The following GOSR2 variants were observed in gnomAD, a reference collection of about 807,000 sequenced individuals.
The protein encoded by GOSR2 is golgi SNAP receptor complex member 2, also known as 27 kDa Golgi SNARE protein.
A neutral mutation model predicts 27.9 loss-of-function variants in GOSR2; 20 were observed. The ratio of observed to expected loss-of-function variants is 0.72; its 90% confidence interval spans 0.50 to 1.04. The LOEUF is 1.04. GOSR2 is among the 50% of genes least tolerant of loss of function. GOSR2 has a pLI of 0.00. For missense variants in GOSR2, 261 were observed against 270.5 expected (o/e 0.97, Z 0.25); for synonymous variants, 91 against 98.8 (o/e 0.92, Z 0.47).
At chr17:46,974,079 C>T (rs1400178666) in intron 6 of GOSR2, among the ~76,000 whole-genome samples, 1 of 152,236 alleles carries the variant, frequency 6.6e-6, no homozygotes, top group African/African-American at 2.4e-5. Context: ...CTCCCTACTT[C>T]CCCCGTTCTA....
chr17:46,942,022 CT>C, downstream of GOSR2: 1 of 906,798 alleles, frequency 1.1e-6, no homozygotes, highest in Non-Finnish European at 1.3e-6. Context: ...TATATCCTAC[CT>C]TAGTCCAAAA....
In GOSR2 at chr17:46,960,052, A is replaced by T. The variant is rs185315470; in HGVS notation, c.584-6482A>T. On this transcript the variant is annotated intron_variant, in intron 6 of 6. Transcript: ENST00000573224. Reference sequence around the variant, plus strand: ...AAAAGTTGTCAGCCTCTCAGGACTGATTCAGGCTAACCAAATTCATTGATG... The same window carrying T: ...AAAAGTTGTCAGCCTCTCAGGACTGTTTCAGGCTAACCAAATTCATTGATG... Among the ~76,000 whole-genome samples the T allele has an allele frequency of 6.2e-4, 95 of 152,340 alleles. 1 individual carries two copies. Among genetic ancestry groups the T allele is most frequent in the Admixed American group, 1.8e-3 (28 of 15,296 alleles).
At chr17:46,950,515 C>G (rs570490278) in intron 6 of GOSR2, among the ~76,000 whole-genome samples, 30 of 152,336 alleles carry the variant, frequency 2.0e-4, no homozygotes, top group African/African-American at 7.0e-4. Flanking sequence ...TAAAATAGCA[C>G]CTATTGGAAA....
intron 1 of GOSR2, among the ~76,000 whole-genome samples, chr17:46,928,321 T>C (rs898887745): frequency 2.6e-5 from 4 of 152,048 alleles, no homozygotes; most frequent in African/African-American, 9.7e-5. Context: ...CTGGCTGGCA[T>C]TGGTAGATTT....
chr17:46,935,902 G>T (rs1054795077), intron 5 of GOSR2: 2 of 985,822 alleles, frequency 2.0e-6, no homozygotes, highest in Non-Finnish European at 2.4e-6. Flanking sequence ...TGTTATCAGG[G>T]TGTGGTCCCC....
intron 6 of GOSR2, among the ~76,000 whole-genome samples, chr17:46,951,200 C>G (rs1382949373): frequency 1.3e-5 from 2 of 152,168 alleles, no homozygotes; most frequent in African/African-American, 4.8e-5. Flanking sequence ...AGGAGGCAGA[C>G]AGAGGTGGAC....
chr17:46,934,976 C>T (rs939504353), intron 4 of GOSR2, 53 bp from the exon 5 acceptor site: 59 of 1,558,358 alleles, frequency 3.8e-5, no homozygotes, highest in Non-Finnish European at 5.1e-5. Context: ...CAGTGAGACC[C>T]CAGGAACTGA....
At chr17:46,943,517 G>A (rs1177953808), downstream of GOSR2, among the ~76,000 whole-genome samples, 2 of 152,234 alleles carry the variant, frequency 1.3e-5, no homozygotes, top group African/African-American at 4.8e-5. Flanking sequence ...CCTCCAAGAA[G>A]CCTGCCCCTC....
intron 6 of GOSR2, among the ~76,000 whole-genome samples, chr17:46,959,505 G>T (rs2090932704): frequency 6.6e-6 from 1 of 152,034 alleles, no homozygotes; most frequent in Non-Finnish European, 1.5e-5. Flanking sequence ...AAAGGAAAAG[G>T]TTCTTCTGGG....
chr17:46,931,541 C>T (rs2087382171), intron 3 of GOSR2: 1 of 383,846 alleles, frequency 2.6e-6, no homozygotes, highest in Admixed American at 4.4e-5. Flanking sequence ...TTGGTTCCTG[C>T]TGGGTTCTTC....
chr17:46,973,003 A>C (rs925971995), intron 6 of GOSR2: 4 of 153,188 alleles, frequency 2.6e-5, no homozygotes. Context: ...CCAGGTGGGA[A>C]AGTGTCAAAT....
chr17:46,946,329 C>T (rs542739229), downstream of GOSR2, among the ~76,000 whole-genome samples: 37 of 149,162 alleles, frequency 2.5e-4, no homozygotes, highest in Admixed American at 8.0e-4. Context: ...GGAGTGGTGG[C>T]GCATGCCTGT....
At chr17:46,952,039 A>C (rs1445075078) in intron 6 of GOSR2, among the ~76,000 whole-genome samples, 1 of 152,100 alleles carries the variant, frequency 6.6e-6, no homozygotes, top group Non-Finnish European at 1.5e-5. Flanking sequence ...CATCAGGGAG[A>C]GGGGGAGATT....
In GOSR2 at chr17:46,941,006, G is replaced by A; in HGVS notation, c.*2246G>A. The A allele has an allele frequency of 8.8e-7, 1 of 1,133,152 alleles. No homozygotes were observed. The highest frequency in any genetic ancestry group is 2.3e-5 in the South Asian group (1 of 43,670). The allele number at this position is 1,133,152 out of a possible 1,614,324, so 70.2% of individuals were successfully genotyped here. On this transcript the variant is annotated 3_prime_UTR_variant, in exon 6 of 6. Coordinates refer to ENST00000640051, the MANE Select transcript of GOSR2 (RefSeq NM_004287.5). Reference sequence around the variant, plus strand: ...CAGGCCAGGGAAGGAGCACCCTCTAGTGGAGGCGGGGGTGAATTCTTAGGT... The same window carrying A: ...CAGGCCAGGGAAGGAGCACCCTCTAATGGAGGCGGGGGTGAATTCTTAGGT...
chr17:46,938,266 T>C (rs4968285), intron 5 of GOSR2, among the ~76,000 whole-genome samples: 68,299 of 152,052 alleles, frequency 0.45, 15,604 homozygotes, highest in East Asian at 0.55. Flanking sequence ...TTAATTTTTA[T>C]GTATAATGTG....
intron 6 of GOSR2, among the ~76,000 whole-genome samples, chr17:46,951,964 G>A (rs756316416): frequency 6.6e-6 from 1 of 152,040 alleles, no homozygotes; most frequent in African/African-American, 2.4e-5. Flanking sequence ...TTTCTAAACC[G>A]TTTTTCTCTG....
chr17:46,923,762 T>G, intron 1 of GOSR2: 1 of 420,064 alleles, frequency 2.4e-6, no homozygotes, highest in Non-Finnish European at 4.1e-6. Flanking sequence ...TTACAGGTTA[T>G]CGCTAAGAAA....
chr17:46,943,661 C>T (rs1010554357), downstream of GOSR2, among the ~76,000 whole-genome samples: 4 of 152,226 alleles, frequency 2.6e-5, no homozygotes, highest in Non-Finnish European at 4.4e-5. Context: ...AGCACTTGAG[C>T]CCATCCCCCA....
At chr17:46,928,006 G>A (rs1359424834) in intron 1 of GOSR2, among the ~76,000 whole-genome samples, 1 of 152,100 alleles carries the variant, frequency 6.6e-6, no homozygotes, top group Non-Finnish European at 1.5e-5. Flanking sequence ...CCCTGTACCT[G>A]TTCCCTTGGT....
Sources: allele counts gnomAD v4.1 joint callset (sites outside exome capture counted in the v4.1 genomes callset), GRCh38; gene constraint gnomAD v4.1.1; transcripts MANE v1.5; gene names NCBI Gene and HGNC (gene_info 2026-07-23, HGNC 2026-07-21).